CDH4: variants seen among roughly 807,000 people sequenced by gnomAD.
CDH4 encodes cadherin-4.
A neutral mutation model predicts 86.0 loss-of-function variants in CDH4; 33 were observed. That is an observed-to-expected ratio of 0.38 (90% CI 0.29 to 0.51). The LOEUF (loss-of-function observed/expected upper bound fraction) is 0.51. Ranked by LOEUF, CDH4 falls within the 20% of genes least tolerant of loss-of-function variation. The pLI, the probability that CDH4 is intolerant of heterozygous loss-of-function variation, is 0.86. For missense variants in CDH4, 1,114 were observed against 1,307.4 expected (o/e 0.85, Z 2.28); for synonymous variants, 555 against 549.4 (o/e 1.01, Z -0.14).
intron 6 of CDH4, among the ~76,000 whole-genome samples, chr20:61,871,857 G>T (rs1041602228): frequency 6.6e-6 from 1 of 152,236 alleles, no homozygotes; most frequent in Non-Finnish European, 1.5e-5. Context: ...GTTTTTCTGT[G>T]TTTTCATGAA....
intron 2 of CDH4, chr20:61,369,734 A>C (rs901419464): frequency 7.4e-6 from 1 of 134,770 alleles, no homozygotes; most frequent in Admixed American, 7.3e-5. Flanking sequence ...AAAACCAACC[A>C]AAAAAAAAAA....
intron 4 of CDH4, among the ~76,000 whole-genome samples, chr20:61,828,301 A>T (rs1350356676): frequency 2.6e-5 from 4 of 152,190 alleles, no homozygotes; most frequent in Non-Finnish European, 5.9e-5. Context: ...CCACCTGTGA[A>T]GTATTTGCCT....
intron 2 of CDH4, among the ~76,000 whole-genome samples, chr20:61,565,176 T>TGCTCTC (rs2086263681): frequency 2.1e-5 from 2 of 93,876 alleles, no homozygotes; most frequent in South Asian, 4.2e-4. Flanking sequence ...GATGGGGTGG[T>TGCTCTC]GGTGGTGGTG....
chr20:61,615,401 C>T (rs2086717387), intron 2 of CDH4, among the ~76,000 whole-genome samples: 2 of 152,212 alleles, frequency 1.3e-5, no homozygotes, highest in African/African-American at 4.8e-5. Flanking sequence ...GGATGACAGG[C>T]ATGAGCCCCC....
intron 4 of CDH4, among the ~76,000 whole-genome samples, chr20:61,798,743 C>T (rs143820827): frequency 1.3e-5 from 2 of 152,336 alleles, no homozygotes; most frequent in Non-Finnish European, 1.5e-5. Context: ...AGGAGAGGGC[C>T]GGGCCGGCAG....
intron 2 of CDH4, chr20:61,738,455 C>G: frequency 6.6e-6 from 1 of 151,996 alleles, no homozygotes; most frequent in East Asian, 1.9e-4. Flanking sequence ...CTCTTTTGTC[C>G]CCCACAGTAC....
intron 3 of CDH4, among the ~76,000 whole-genome samples, chr20:61,764,470 C>T (rs1568802640): frequency 1.3e-5 from 2 of 152,134 alleles, no homozygotes; most frequent in African/African-American, 2.4e-5. Flanking sequence ...TCCAGGAAGC[C>T]TGTACAGAGA....
chr20:61,645,098 C>A (rs1161841228), intron 2 of CDH4, among the ~76,000 whole-genome samples: 1 of 152,232 alleles, frequency 6.6e-6, no homozygotes, highest in Non-Finnish European at 1.5e-5. Flanking sequence ...TCCTTGGAGG[C>A]CCCATCTCCA....
intron 3 of CDH4, among the ~76,000 whole-genome samples, chr20:61,750,716 G>A (rs1009483167): frequency 6.6e-6 from 1 of 152,230 alleles, no homozygotes; most frequent in Non-Finnish European, 1.5e-5. Context: ...TAGCTTATAT[G>A]ATTATGAATG....
chr20:61,819,370 C>G (rs997378637), intron 4 of CDH4, among the ~76,000 whole-genome samples: 1 of 152,186 alleles, frequency 6.6e-6, no homozygotes. Context: ...CATGAGCACG[C>G]GTCGCTCGCT....
chr20:61,486,047 T>G (rs1309385201), intron 2 of CDH4, among the ~76,000 whole-genome samples: 2 of 152,076 alleles, frequency 1.3e-5, no homozygotes, highest in Non-Finnish European at 2.9e-5. Flanking sequence ...GTGAGAGAAA[T>G]GGGGAGCATT....
intron 2 of CDH4, among the ~76,000 whole-genome samples, chr20:61,318,662 A>C (rs1482654730): frequency 6.6e-6 from 1 of 152,200 alleles, no homozygotes; most frequent in Non-Finnish European, 1.5e-5. Context: ...ATACATGCTC[A>C]ATGCATAGCC....
intron 2 of CDH4, among the ~76,000 whole-genome samples, chr20:61,316,812 G>A (rs2084478668): frequency 6.6e-6 from 1 of 152,244 alleles, no homozygotes; most frequent in Middle Eastern, 3.4e-3. Context: ...CAGAGCTGGG[G>A]CCTGGCCACC....
At chr20:61,334,509 G>A (rs6028120) in intron 2 of CDH4, among the ~76,000 whole-genome samples, 26 of 151,808 alleles carry the variant, frequency 1.7e-4, no homozygotes, top group African/African-American at 6.0e-4. Flanking sequence ...AGGCCGGGGG[G>A]GCTGGGATCA....
chr20:61,686,497 G>T (rs1305707552), intron 2 of CDH4, among the ~76,000 whole-genome samples: 1 of 151,622 alleles, frequency 6.6e-6, no homozygotes, highest in African/African-American at 2.4e-5. Context: ...GTGCATTCGC[G>T]TGTGTGTATA....
In CDH4 at chr20:61,907,026, TG is replaced by T. The variant is rs530449653; in HGVS notation, c.1189-3395del. 3.0e-3 allele frequency among the ~76,000 whole-genome samples: 458 copies of T among 152,182 alleles called. 1 individual carries two copies. The highest frequency in any genetic ancestry group is 5.0e-3 in the Non-Finnish European group (343 of 67,958). On this transcript the variant is annotated intron_variant, in intron 8 of 15. Coordinates refer to ENST00000614565, the MANE Select transcript of CDH4 (RefSeq NM_001794.5). ...CGATGGGGCAGGCCACCCTCCTCCC[TG>T]CTCCAGGTCTGCAAAGCTCCCCCAA...
intron 4 of CDH4, among the ~76,000 whole-genome samples, chr20:61,842,983 G>A (rs896919141): frequency 6.6e-6 from 1 of 152,194 alleles, no homozygotes; most frequent in East Asian, 1.9e-4. Context: ...TTTGGTTCCT[G>A]TTGACCCAAT....
chr20:61,304,170 A>G (rs576123959), intron 2 of CDH4, among the ~76,000 whole-genome samples: 59 of 152,208 alleles, frequency 3.9e-4, no homozygotes, highest in Non-Finnish European at 7.5e-4. Context: ...CCAGGCTTCT[A>G]TGAAGACGAA....
At chr20:61,416,099 T>G (rs1014307873) in intron 2 of CDH4, among the ~76,000 whole-genome samples, 3 of 151,808 alleles carry the variant, frequency 2.0e-5, no homozygotes, top group African/African-American at 7.3e-5. Flanking sequence ...CCCCCTGGGT[T>G]TAAGCAATTC....
Sources: allele counts gnomAD v4.1 joint callset (sites outside exome capture counted in the v4.1 genomes callset), GRCh38; gene constraint gnomAD v4.1.1; transcripts MANE v1.5; gene names NCBI Gene and HGNC (gene_info 2026-07-23, HGNC 2026-07-21).